The following NDST4 variants were observed in gnomAD, a reference collection of about 807,000 sequenced individuals.
NDST4 encodes N-heparan sulfate sulfotransferase 4.
In NDST4, 63 loss-of-function variants were observed where a neutral mutation model predicts 100.8. That is an observed-to-expected ratio of 0.62 (90% CI 0.51 to 0.77). The LOEUF (loss-of-function observed/expected upper bound fraction) is 0.77, where lower values mean the gene tolerates loss of function less well. Among genes scored for constraint, NDST4 ranks in the 30% least tolerant of loss-of-function variants. NDST4 has a pLI of 0.00. For synonymous variants in NDST4, 377 were observed against 361.8 expected (o/e 1.04, Z -0.48); for missense variants, 943 against 1,018.4 (o/e 0.93, Z 1.01).
intron 2 of NDST4, among the ~76,000 whole-genome samples, chr4:115,054,238 C>T (rs1728646634): frequency 6.6e-6 from 1 of 151,866 alleles, no homozygotes; most frequent in Non-Finnish European, 1.5e-5. Context: ...GACAAAGAAA[C>T]AGAACTCCTG....
chr4:115,037,331 T>C (rs1488018595), intron 2 of NDST4, among the ~76,000 whole-genome samples: 1 of 152,080 alleles, frequency 6.6e-6, no homozygotes, highest in East Asian at 1.9e-4. Flanking sequence ...GATGGTATTT[T>C]AGTTGGACAG....
intron 2 of NDST4, among the ~76,000 whole-genome samples, chr4:114,999,461 C>A (rs1727236033): frequency 6.6e-6 from 1 of 152,050 alleles, no homozygotes; most frequent in African/African-American, 2.4e-5. Flanking sequence ...TCTGCTTGCA[C>A]AGAAAGTGCT....
intron 1 of NDST4, among the ~76,000 whole-genome samples, chr4:115,106,280 T>G (rs1729832268): frequency 6.6e-6 from 1 of 152,114 alleles, no homozygotes; most frequent in Admixed American, 6.6e-5. Context: ...ATGTTGACAC[T>G]ATGGTTCTGT....
intron 6 of NDST4, among the ~76,000 whole-genome samples, chr4:114,875,615 A>T (rs1267286024): frequency 1.3e-5 from 2 of 152,214 alleles, no homozygotes; most frequent in Non-Finnish European, 2.9e-5. Context: ...GGTGGTAAAT[A>T]AATTAGGCAA....
Position 115,013,370 on chromosome 4 carries a change from T to TATATATATATATACAC in NDST4, c.979-36097_979-36096insGTGTATATATATATAT, listed in dbSNP as rs74678897. On this transcript the variant is annotated intron_variant, in intron 2 of 13. Coordinates refer to ENST00000264363, the MANE Select transcript of NDST4 (RefSeq NM_022569.3). ...CCATATATATATATATATATATATA[T>TATATATATATATACAC]ACACACACATACATACCTAATATGT... Among the ~76,000 whole-genome samples the TATATATATATATACAC allele has an allele frequency of 2.4e-3, 171 of 71,438 alleles. 2 individuals are homozygous for TATATATATATATACAC. Among genetic ancestry groups the TATATATATATATACAC allele is most frequent in the Admixed American group, 7.8e-3 (46 of 5,924 alleles). 46.9% of individuals were successfully genotyped at this position (71,438 alleles called of 152,430 possible).
chr4:115,041,582 T>C (rs1667908148), intron 2 of NDST4, among the ~76,000 whole-genome samples: 1 of 152,090 alleles, frequency 6.6e-6, no homozygotes, highest in South Asian at 2.1e-4. Flanking sequence ...TGAATGAAAG[T>C]GTATGGCTGA....
chr4:114,866,871 A>G (rs1367871823), intron 7 of NDST4, among the ~76,000 whole-genome samples: 1 of 152,232 alleles, frequency 6.6e-6, no homozygotes, highest in Non-Finnish European at 1.5e-5. Context: ...TCAAAAGCAT[A>G]GGTTGAATAA....
At chr4:114,840,515 A>C (rs1560773343) in intron 10 of NDST4, among the ~76,000 whole-genome samples, 1 of 152,200 alleles carries the variant, frequency 6.6e-6, no homozygotes, top group Non-Finnish European at 1.5e-5. Context: ...CCAGATCAGT[A>C]AGGGATTAAT....
At chr4:114,972,436 A>G (rs1046031344) in intron 3 of NDST4, among the ~76,000 whole-genome samples, 1 of 152,026 alleles carries the variant, frequency 6.6e-6, no homozygotes, top group African/African-American at 2.4e-5. Context: ...TGAAAGTAAT[A>G]AAGTCCTATA....
rs1381603916 is a variant in NDST4 at position 114,934,419 on chromosome 4, T to C, written c.1536+787A>G. Among the ~76,000 whole-genome samples the C allele has an allele frequency of 3.3e-5, 5 of 152,054 alleles. No individual in the cohort carries two copies. In the East Asian group the frequency reaches 7.8e-4, roughly 24 times the overall value. ...ACAAAAAATTAGCCGGGCGTGGTGG[T>C]GGCAGGCGCCTGTAGTCCCAGCTAC... is the stretch of plus-strand genomic sequence containing the variant. On this transcript the variant is annotated intron_variant, in intron 6 of 13. Transcript: ENST00000264363.
At position 115,007,888 on chromosome 4, in the gene NDST4, G is replaced by C. The variant is rs533726122; in HGVS notation, c.979-30614C>G. 3.9e-5 allele frequency among the ~76,000 whole-genome samples: 5 copies of C among 129,686 alleles called. 2 individuals are homozygous for C. Among genetic ancestry groups the C allele is most frequent in the African/African-American group, 1.5e-4 (5 of 34,316 alleles). 85.1% of individuals were successfully genotyped at this position (129,686 alleles called of 152,430 possible). A position where few individuals can be genotyped will look rare whatever the true frequency, so the allele number is the denominator to read the frequency against. ...TTGCATTGCTCCTGAAAGGATCTGA[G>C]GCCTGAGTAAAAGCTGGCTCTGTTC... On this transcript the variant is annotated intron_variant, in intron 2 of 13. Coordinates refer to ENST00000264363, the MANE Select transcript of NDST4 (RefSeq NM_022569.3).
In NDST4 at chr4:115,076,666, C is replaced by T; in HGVS notation, c.371G>A (p.Gly124Asp). The T allele has an allele frequency of 1.2e-6, 2 of 1,613,822 alleles. No individual in the cohort carries two copies. Among genetic ancestry groups the T allele is most frequent in the East Asian group, 2.2e-5 (1 of 44,774 alleles). The change falls in exon 2 of 14, where the codon GGC becomes GAC. Residue 124 changes from glycine (G) to aspartate (D), a missense_variant. Around this residue, in one of 2 missense-constraint regions of NDST4, gnomAD observed 417 missense variants for 384.2 expected, o/e 1.09. Transcript: ENST00000264363. ...KGDIPPLTDN[G>D]KGKYTLVIYE... is the part of the protein sequence containing the mutation. ...AATAACTAAAGTATATTTCCCTTTG[C>T]CATTATCTGTAAGAGGAGGTATATC... is the stretch of plus-strand genomic sequence containing the variant.
intron 1 of NDST4, among the ~76,000 whole-genome samples, chr4:115,105,600 C>A (rs373792204): frequency 1.3e-5 from 2 of 151,916 alleles, no homozygotes; most frequent in Non-Finnish European, 2.9e-5. Flanking sequence ...TCTTATAGTG[C>A]GACAACAAAA....
At chr4:114,949,294 C>T (rs1725937763) in intron 4 of NDST4, among the ~76,000 whole-genome samples, 1 of 151,688 alleles carries the variant, frequency 6.6e-6, no homozygotes, top group Non-Finnish European at 1.5e-5. Context: ...ACAATGGGAA[C>T]AACTTGAATA....
chr4:114,953,927 AT>A (rs1726079695), intron 4 of NDST4, among the ~76,000 whole-genome samples: 1 of 152,182 alleles, frequency 6.6e-6, no homozygotes, highest in South Asian at 2.1e-4. Context: ...TAAGTGTTCT[AT>A]ATGCAGTAAC....
chr4:114,896,152 T>C (rs147671100), intron 6 of NDST4, among the ~76,000 whole-genome samples: 2,055 of 152,304 alleles, frequency 0.013, 45 homozygotes, highest in African/African-American at 0.047. Context: ...ATTTAGCCAT[T>C]GACAATTATG....
rs146323440 is a variant in NDST4 at position 114,879,790 on chromosome 4, G to A, written c.1537-8840C>T. Among the ~76,000 whole-genome samples, 346 of 152,098 alleles carry A rather than the reference G, an allele frequency of 2.3e-3. 1 individual carries two copies. The highest frequency in any genetic ancestry group is 3.8e-3 in the Non-Finnish European group (258 of 67,984). On this transcript the variant is annotated intron_variant, in intron 6 of 13. Coordinates refer to ENST00000264363, the MANE Select transcript of NDST4 (RefSeq NM_022569.3). ...ATTCCCCAAGGTCTGAAAACACAAG[G>A]GGAAAAACAAAACACTATCCTAAAA...
At chr4:114,967,980 A>G (rs569241688) in intron 4 of NDST4, among the ~76,000 whole-genome samples, 1 of 152,290 alleles carries the variant, frequency 6.6e-6, no homozygotes, top group East Asian at 1.9e-4. Context: ...AAATGGAGAA[A>G]CAGACATAGA....
chr4:115,079,074 A>G (rs1432762318), intron 1 of NDST4, among the ~76,000 whole-genome samples: 1 of 151,942 alleles, frequency 6.6e-6, no homozygotes, highest in African/African-American at 2.4e-5. Context: ...ACATTACTAC[A>G]GGCACGGTGG....
Sources: allele counts gnomAD v4.1 joint callset (sites outside exome capture counted in the v4.1 genomes callset), GRCh38; gene constraint gnomAD v4.1.1; regional missense constraint gnomAD v4.1.1; transcripts MANE v1.5; gene names NCBI Gene and HGNC (gene_info 2026-07-23, HGNC 2026-07-21).